Variants in KMT2C observed in about 807,000 individuals in gnomAD.
KMT2C encodes lysine methyltransferase 2C.
KMT2C carries 88 observed loss-of-function variants against 507.9 expected under a neutral mutation model. The observed-to-expected ratio is 0.17, with a 90% CI of 0.15 to 0.21. KMT2C has a LOEUF of 0.21. KMT2C is among the 10% of genes least tolerant of loss of function. The pLI, the probability that KMT2C is intolerant of heterozygous loss-of-function variation, is 1.00. For synonymous variants in KMT2C, 2,049 were observed against 2,080.8 expected, an observed-to-expected ratio of 0.98 and a Z score of 0.42; for missense variants, 4,954 against 5,957.8, an observed-to-expected ratio of 0.83 and a Z score of 5.55.
In KMT2C at chr7:152,261,935, A is replaced by G. The variant is rs192826736; in HGVS notation, c.1299+1081T>C. 1.3e-3 allele frequency among the ~76,000 whole-genome samples: 193 copies of G among 152,048 alleles called. 1 individual carries two copies. The highest frequency in any genetic ancestry group is 0.01 in the Middle Eastern group (3 of 294). On this transcript the variant is annotated intron_variant, in intron 9 of 58. Coordinates refer to ENST00000262189, the MANE Select transcript of KMT2C (RefSeq NM_170606.3). ...AGCCCTCAGACCCCACTTCCCAGGT[A>G]GCCACAGCTGAGCACAGTTACCCAG...
chr7:152,292,644 C>T (rs994777940), intron 6 of KMT2C, among the ~76,000 whole-genome samples: 4 of 152,116 alleles, frequency 2.6e-5, no homozygotes, highest in Admixed American at 6.5e-5. Context: ...AGCTGGAGGA[C>T]CGAATGTGAC....
rs369962989 is a variant in KMT2C, at chr7:152,331,780, C to T, written c.251-1041G>A. On this transcript the variant is annotated intron_variant, in intron 2 of 58. Coordinates refer to ENST00000262189, the MANE Select transcript of KMT2C (RefSeq NM_170606.3). ...TCTCCTGCCTCAGCCTCCTGAATAG[C>T]TGGGATGACAGGCGCCCACCACCAT... Among the ~76,000 whole-genome samples, 144 of 150,626 alleles carry T rather than the reference C, an allele frequency of 9.6e-4. 1 individual carries two copies. In the East Asian group the frequency reaches 0.027, roughly 28 times the overall value.
intron 1 of KMT2C, among the ~76,000 whole-genome samples, chr7:152,416,145 C>A (rs2097733220): frequency 6.6e-6 from 1 of 151,968 alleles, no homozygotes; most frequent in Non-Finnish European, 1.5e-5. Flanking sequence ...TCCAAGCATT[C>A]TGGGAGGCCA....
At chr7:152,357,317 G>T (rs1233696231) in intron 2 of KMT2C, among the ~76,000 whole-genome samples, 2 of 152,162 alleles carry the variant, frequency 1.3e-5, no homozygotes, top group African/African-American at 4.8e-5. Flanking sequence ...GAGGTCAGGA[G>T]ATTGAGACCA....
chr7:152,248,444 G>C lies in KMT2C; in HGVS notation c.1990C>G (p.Gln664Glu), dbSNP rs967572330. The C allele has an allele frequency of 1.2e-6, 2 of 1,613,926 alleles. No homozygotes were observed. The highest frequency in any genetic ancestry group is 2.7e-5 in the African/African-American group (2 of 74,890). ...TCCTCTAACAACTGCAGTTGTTCTT[G>C]CTGCACAGTGATCTGGTGTGTAACG... ...EVVTHQITVQ[Q>E]EQLQLLEEPE... The change falls in exon 14 of 59, where the codon CAA becomes GAA. Residue 664 changes from glutamine (Q) to glutamate (E), a missense_variant. By Grantham distance (29) the Gln-to-Glu change is conservative (BLOSUM62 2). This residue lies in a region of KMT2C where 376 missense variants were observed against 352.4 expected (regional missense o/e 1.07). Transcript: ENST00000262189.
At position 152,207,412 on chromosome 7, in the gene KMT2C, A is replaced by C. The variant is rs1231271416; in HGVS notation, c.3729T>G (p.Asp1243Glu). The stretch of plus-strand genomic sequence containing the variant: ...GACTAGATTCTGATTTTCCATCACA[A>C]TCCATAAGTTCTCCTTCTGGAAAAA... ...MDDSREGELMDCDGKSESSPE... is the reference protein window; with the variant it reads ...MDDSREGELMECDGKSESSPE... Residue 1243 changes from aspartate to glutamate, a missense_variant, in exon 24 of 59, where the codon GAT becomes GAG. Around this residue, in one of 29 missense-constraint regions of KMT2C, gnomAD observed 176 missense variants for 262.0 expected, o/e 0.67. Coordinates refer to ENST00000262189, the MANE Select transcript of KMT2C (RefSeq NM_170606.3). 6.3e-7 allele frequency: 1 copy of C among 1,594,086 alleles called. No individual in the cohort carries two copies. Among genetic ancestry groups the C allele is most frequent in the South Asian group, 1.1e-5 (1 of 87,610 alleles).
chr7:152,402,088 C>T, intron 1 of KMT2C, among the ~76,000 whole-genome samples: 1 of 151,858 alleles, frequency 6.6e-6, no homozygotes, highest in East Asian at 1.9e-4. Flanking sequence ...CCAGCCTGGG[C>T]AACAAGAGTG....
chr7:152,365,287 G>A lies in KMT2C; in HGVS notation c.162-6612C>T, dbSNP rs535844851. ...GCACTTTGGGAAGCCGAGGCAGGCGGATCACCTGAGGTCGAGTTCGAGACC... is the reference window on the plus strand; with the variant it reads ...GCACTTTGGGAAGCCGAGGCAGGCGAATCACCTGAGGTCGAGTTCGAGACC... On this transcript the variant is annotated intron_variant, in intron 1 of 58. Coordinates refer to ENST00000262189, the MANE Select transcript of KMT2C (RefSeq NM_170606.3). Among the ~76,000 whole-genome samples the A allele has an allele frequency of 1.5e-3, 221 of 152,330 alleles. 1 individual carries two copies. Among genetic ancestry groups the A allele is most frequent in the African/African-American group, 5.0e-3 (209 of 41,570 alleles).
chr7:152,202,238 G>T (rs2094166136), intron 26 of KMT2C, among the ~76,000 whole-genome samples: 1 of 152,188 alleles, frequency 6.6e-6, no homozygotes, highest in Non-Finnish European at 1.5e-5. Context: ...TAGAGGCCAG[G>T]AAGGATGAAT....
intron 55 of KMT2C, among the ~76,000 whole-genome samples, chr7:152,142,892 C>A (rs1255876893): frequency 1.3e-5 from 2 of 152,064 alleles, no homozygotes; most frequent in Non-Finnish European, 2.9e-5. Context: ...AAGATATTAG[C>A]ACAGAAAAAC....
rs1428112439 is a variant in KMT2C at position 152,176,832 on chromosome 7, T to C, written c.8621A>G (p.Asp2874Gly). Reference protein sequence around the residue: ...DGEKTSLHPCDPDLFEKRTNR... With the variant: ...DGEKTSLHPCGPDLFEKRTNR... Reference sequence around the variant, plus strand: ...GGTTCTTTTCTCAAATAGATCTGGATCACAAGGATGCAAAGAAGTCTTTTC... The same window carrying C: ...GGTTCTTTTCTCAAATAGATCTGGACCACAAGGATGCAAAGAAGTCTTTTC... Residue 2874 changes from aspartate to glycine, a missense_variant, in exon 38 of 59, where the codon GAT becomes GGT. Transcript: ENST00000262189. 1.9e-6 allele frequency: 3 copies of C among 1,614,214 alleles called. No individual in the cohort carries two copies. The highest frequency in any genetic ancestry group is 1.6e-4 in the Middle Eastern group (1 of 6,062).
intron 1 of KMT2C, among the ~76,000 whole-genome samples, chr7:152,398,739 T>C (rs1292343850): frequency 1.3e-5 from 2 of 152,080 alleles, no homozygotes; most frequent in African/African-American, 4.8e-5. Context: ...GTGCTCTTTA[T>C]TTTTACCAGA....
chr7:152,425,430 G>GCCAGGC (rs1352424664), intron 1 of KMT2C, among the ~76,000 whole-genome samples: 1 of 152,104 alleles, frequency 6.6e-6, no homozygotes, highest in Non-Finnish European at 1.5e-5. Flanking sequence ...AGAAAAATTA[G>GCCAGGC]CCAGGCGTGG....
chr7:152,428,503 T>C (rs892840958), intron 1 of KMT2C, among the ~76,000 whole-genome samples: 2 of 145,170 alleles, frequency 1.4e-5, no homozygotes, highest in African/African-American at 5.1e-5. Flanking sequence ...TGGTGGTGGG[T>C]GCCTGTAATC....
intron 6 of KMT2C, among the ~76,000 whole-genome samples, chr7:152,289,631 A>G (rs1588940281): frequency 6.6e-6 from 1 of 152,222 alleles, no homozygotes; most frequent in East Asian, 1.9e-4. Flanking sequence ...TTCAAGGAAA[A>G]CAACTTAGAA....
chr7:152,226,219 C>CTTTTTTTTTTTTTTTTTTTTTTTTTTTT (rs869076803), intron 18 of KMT2C, among the ~76,000 whole-genome samples: 1 of 94,958 alleles, frequency 1.1e-5, no homozygotes, highest in African/African-American at 4.2e-5. Context: ...ATTACAAGGC[C>CTTTTTTTTTTTTTTTTTTTTTTTTTTTT]TTTTTTTTTT....
At chr7:152,158,251 C>G (rs900711179) in intron 44 of KMT2C, among the ~76,000 whole-genome samples, 5 of 152,254 alleles carry the variant, frequency 3.3e-5, no homozygotes, top group Admixed American at 2.6e-4. Flanking sequence ...GTAACAACCA[C>G]AAAGGTGTAG....
chr7:152,174,257 T>A lies in KMT2C; in HGVS notation c.9263-15A>T, dbSNP rs1399251301. 1 of 1,310,526 alleles carries A rather than the reference T, an allele frequency of 7.6e-7. No individual in the cohort carries two copies. Among genetic ancestry groups the A allele is most frequent in the Non-Finnish European group, 1.1e-6 (1 of 912,716 alleles). 81.2% of individuals were successfully genotyped at this position (1,310,526 alleles called of 1,614,324 possible). On this transcript the variant is annotated splice_polypyrimidine_tract_variant and intron_variant, in intron 38 of 58. Transcript: ENST00000262189. ...TGCATCAAAATCTAGAAAAGAAATATAAAGTTACTTATTTCATAGTAATTA... is the reference window on the plus strand; with the variant it reads ...TGCATCAAAATCTAGAAAAGAAATAAAAAGTTACTTATTTCATAGTAATTA...
intron 23 of KMT2C, among the ~76,000 whole-genome samples, chr7:152,209,699 T>G: frequency 6.8e-6 from 1 of 147,440 alleles, no homozygotes; most frequent in East Asian, 2.0e-4. Flanking sequence ...ATGATCACAC[T>G]ACTGCATTCT....
Sources: allele counts gnomAD v4.1 joint callset (sites outside exome capture counted in the v4.1 genomes callset), GRCh38; gene constraint gnomAD v4.1.1; regional missense constraint gnomAD v4.1.1; transcripts MANE v1.5; gene names NCBI Gene and HGNC (gene_info 2026-07-23, HGNC 2026-07-21).